GARRE1: variants seen among roughly 807,000 people sequenced by gnomAD.
The protein encoded by GARRE1 is granule associated Rac and RHOG effector 1.
In GARRE1, 49 loss-of-function variants were observed where a neutral mutation model predicts 103.2. The observed-to-expected ratio is 0.47, with a 90% confidence interval of 0.38 to 0.60. The LOEUF (loss-of-function observed/expected upper bound fraction) is 0.60, where lower values mean the gene tolerates loss of function less well. Ranked by LOEUF, GARRE1 falls within the 20% of genes least tolerant of loss-of-function variation. The pLI is 0.00. For missense variants in GARRE1, 1,199 were observed against 1,370.5 expected, an observed-to-expected ratio of 0.87 and a Z score of 1.98; for synonymous variants, 505 against 532.8, an observed-to-expected ratio of 0.95 and a Z score of 0.72.
intron 1 of GARRE1, among the ~76,000 whole-genome samples, chr19:34,261,234 T>C (rs2073716312): frequency 6.6e-6 from 1 of 152,208 alleles, no homozygotes; most frequent in Non-Finnish European, 1.5e-5. Context: ...GGATGCTGGC[T>C]AATCTTTCAG....
rs1419711787 is a variant in GARRE1, at chr19:34,355,469, T to TA, written c.*2515dup. The TA allele has an allele frequency of 6.6e-6, 1 of 152,658 alleles. No individual in the cohort carries two copies. Among genetic ancestry groups the TA allele is most frequent in the Non-Finnish European group, 1.5e-5 (1 of 68,032 alleles). 9.5% of individuals were successfully genotyped at this position (152,658 alleles called of 1,614,324 possible). On this transcript the variant is annotated 3_prime_UTR_variant, in exon 14 of 14. Transcript: ENST00000299505. ...ATCAGCAGGACATTGTGTGTATAGT[T>TA]ACAATGCTTCCAAACTGGAACTCTA...
rs145238769 is a variant in GARRE1, at chr19:34,320,506, G to A, written c.705+390G>A. Among the ~76,000 whole-genome samples, 110 of 152,320 alleles carry A rather than the reference G, an allele frequency of 7.2e-4. 2 individuals carry two copies. The highest frequency in any genetic ancestry group is 2.4e-3 in the Admixed American group (37 of 15,306). On this transcript the variant is annotated intron_variant, in intron 3 of 13. Coordinates refer to ENST00000299505, the MANE Select transcript of GARRE1 (RefSeq NM_014686.5). Reference sequence around the variant, plus strand: ...CCCAAGTCAGGAAAGACGGGGTGGAGCTGTCTGGGGAGGGTAAGTGGCCAG... The same window carrying A: ...CCCAAGTCAGGAAAGACGGGGTGGAACTGTCTGGGGAGGGTAAGTGGCCAG...
intron 10 of GARRE1, among the ~76,000 whole-genome samples, chr19:34,345,636 A>G (rs534917793): frequency 3.4e-4 from 52 of 152,272 alleles, no homozygotes; most frequent in Non-Finnish European, 6.2e-4. Context: ...CCTGGCCAAC[A>G]TGGCGAAACC....
At chr19:34,311,714 G>A (rs981343821) in intron 2 of GARRE1, among the ~76,000 whole-genome samples, 13 of 152,140 alleles carry the variant, frequency 8.5e-5, no homozygotes, top group African/African-American at 3.1e-4. Flanking sequence ...GGGTTTAGGC[G>A]ACTCTCCTGC....
chr19:34,257,715 A>G (rs761659757), intron 1 of GARRE1, among the ~76,000 whole-genome samples: 2 of 152,104 alleles, frequency 1.3e-5, no homozygotes, highest in Admixed American at 1.3e-4. Flanking sequence ...TTGTGCTTCA[A>G]ATGTCTTTAA....
intron 3 of GARRE1, among the ~76,000 whole-genome samples, chr19:34,327,091 G>A (rs979414703): frequency 2.6e-5 from 4 of 151,800 alleles, no homozygotes; most frequent in Admixed American, 2.0e-4. Flanking sequence ...GGAGGCGGAG[G>A]TTGCAATGAG....
intron 3 of GARRE1, among the ~76,000 whole-genome samples, chr19:34,320,776 C>T (rs1009280558): frequency 1.3e-5 from 2 of 150,366 alleles, no homozygotes; most frequent in African/African-American, 4.9e-5. Flanking sequence ...GGCTGAAGTG[C>T]AGTGCTGCGA....
chr19:34,333,154 C>G (rs1555710265), intron 7 of GARRE1, among the ~76,000 whole-genome samples: 1 of 152,194 alleles, frequency 6.6e-6, no homozygotes, highest in Non-Finnish European at 1.5e-5. Flanking sequence ...TCAAGCTATT[C>G]TCCTGCCTCA....
chr19:34,281,076 A>G (rs1254038451), intron 1 of GARRE1, among the ~76,000 whole-genome samples: 1 of 152,096 alleles, frequency 6.6e-6, no homozygotes, highest in Admixed American at 6.5e-5. Flanking sequence ...GTCTTTTCTC[A>G]TTTGTTGACA....
chr19:34,255,673 C>CTTT (rs11307030), intron 1 of GARRE1, among the ~76,000 whole-genome samples: 3 of 143,570 alleles, frequency 2.1e-5, no homozygotes, highest in Non-Finnish European at 3.0e-5. Context: ...TTGATATGGT[C>CTTT]TTTTTTTTTT....
rs978143898 is a variant in GARRE1, at chr19:34,342,102, C to G, written c.2168C>G (p.Ser723Cys). The change falls in exon 10 of 14, where the codon TCC (serine) becomes TGC (cysteine). Residue 723 changes from serine (S) to cysteine (C), a missense_variant. Transcript: ENST00000299505. ...CCGGGACTGGCACCTCAGCAGCAGT[C>G]CCCAAAGCAGCAACAACCTCAAGTC... ...PQPGLAPQQQ[S>C]PKQQQPQVQY... 1.2e-6 allele frequency: 2 copies of G among 1,614,150 alleles called. No individual in the cohort carries two copies. The highest frequency in any genetic ancestry group is 1.6e-4 in the Middle Eastern group (1 of 6,062).
intron 4 of GARRE1, 85 bp downstream of exon 4, chr19:34,327,646 A>G: frequency 1.3e-6 from 2 of 1,527,056 alleles, no homozygotes; most frequent in Non-Finnish European, 1.8e-6. Flanking sequence ...ATCAATTAGA[A>G]AGGGTTATAG....
In GARRE1 at chr19:34,300,467, C is replaced by G; in HGVS notation, c.-7C>G. The G allele has an allele frequency of 3.2e-6, 5 of 1,544,810 alleles. No homozygotes were observed. The highest frequency in any genetic ancestry group is 4.4e-6 in the Non-Finnish European group (5 of 1,142,298). On this transcript the variant is annotated 5_prime_UTR_variant, in exon 2 of 14. Coordinates refer to ENST00000299505, the MANE Select transcript of GARRE1 (RefSeq NM_014686.5). ...CTTACGGTTGCTGGGACAATTCCCCCTCCCGCATGTATTGCTGCAGTGCCC... is the reference window on the plus strand; with the variant it reads ...CTTACGGTTGCTGGGACAATTCCCCGTCCCGCATGTATTGCTGCAGTGCCC...
In GARRE1 at chr19:34,300,824, C is replaced by T. The variant is rs188387566; in HGVS notation, c.351C>T (p.Leu117=). ...ACTACTCAAAGGCAGCCACACAGCT[C>T]AAAGATGTGCAGGAGCATGTCATGG... ...NSHYSKAATQ[L]KDVQEHVMEA... Residue 117 remains leucine (L), a synonymous_variant, in exon 2 of 14, where the codon CTC becomes CTT. Transcript: ENST00000299505. The T allele has an allele frequency of 1.2e-6, 2 of 1,614,190 alleles. No individual in the cohort carries two copies. The highest frequency in any genetic ancestry group is 4.5e-5 in the East Asian group (2 of 44,886).
chr19:34,306,875 G>T (rs2074009595), intron 2 of GARRE1, among the ~76,000 whole-genome samples: 1 of 152,106 alleles, frequency 6.6e-6, no homozygotes, highest in Non-Finnish European at 1.5e-5. Context: ...GAACATGACA[G>T]AAATCTCTCC....
intron 1 of GARRE1, among the ~76,000 whole-genome samples, chr19:34,260,099 A>C (rs1213151605): frequency 6.6e-6 from 1 of 152,244 alleles, no homozygotes; most frequent in South Asian, 2.1e-4. Context: ...ACAGACTAAT[A>C]AACCTTATTT....
chr19:34,278,271 C>G (rs1260543624), intron 1 of GARRE1, among the ~76,000 whole-genome samples: 4 of 151,734 alleles, frequency 2.6e-5, no homozygotes, highest in African/African-American at 9.7e-5. Flanking sequence ...TGGTGAAACC[C>G]TGTCTCTGCT....
At chr19:34,333,677 G>GTTTTT (rs74177138) in intron 7 of GARRE1, 27 bp from the exon 8 acceptor site, 107 of 674,492 alleles carry the variant, frequency 1.6e-4, no homozygotes, top group South Asian at 5.1e-4. Flanking sequence ...GTTGTTATTT[G>GTTTTT]TTTTTTTTTT....
intron 2 of GARRE1, among the ~76,000 whole-genome samples, chr19:34,302,336 A>G (rs2073984540): frequency 8.3e-6 from 1 of 119,932 alleles, no homozygotes; most frequent in Non-Finnish European, 1.6e-5. Context: ...ACTCTGTCAC[A>G]CAAGCTGGAG....
Sources: allele counts gnomAD v4.1 joint callset (sites outside exome capture counted in the v4.1 genomes callset), GRCh38; gene constraint gnomAD v4.1.1; transcripts MANE v1.5; gene names NCBI Gene and HGNC (gene_info 2026-07-23, HGNC 2026-07-21).